PCCA: variants seen among roughly 807,000 people sequenced by gnomAD.
PCCA encodes the protein propionyl-CoA carboxylase alpha chain, mitochondrial.
In PCCA, 74 loss-of-function variants were observed where a neutral mutation model predicts 101.3. The observed-to-expected ratio is 0.73, with a 90% CI of 0.61 to 0.89. The LOEUF (loss-of-function observed/expected upper bound fraction) is 0.89. Ranked by LOEUF, PCCA falls within the 40% of genes least tolerant of loss-of-function variation. PCCA has a pLI of 0.00. For missense variants in PCCA, 891 were observed against 907.0 expected (o/e 0.98, Z 0.23); for synonymous variants, 294 against 313.6 (o/e 0.94, Z 0.66).
At chr13:100,122,452 C>G (rs1350520920) in intron 4 of PCCA, among the ~76,000 whole-genome samples, 1 of 152,124 alleles carries the variant, frequency 6.6e-6, no homozygotes, top group Non-Finnish European at 1.5e-5. Context: ...GTGAAGCCAT[C>G]TGAATCTGGG....
intron 2 of PCCA, among the ~76,000 whole-genome samples, chr13:100,107,709 G>A (rs1417179904): frequency 6.6e-6 from 1 of 152,140 alleles, no homozygotes; most frequent in African/African-American, 2.4e-5. Flanking sequence ...TCAAGCCTTA[G>A]TTTTCTTATT....
At chr13:100,288,276 G>A (rs1168810462) in intron 12 of PCCA, among the ~76,000 whole-genome samples, 1 of 151,966 alleles carries the variant, frequency 6.6e-6, no homozygotes, top group Non-Finnish European at 1.5e-5. Flanking sequence ...AGCCGTTATC[G>A]ATGCATTGTG....
At chr13:100,491,747 G>T in intron 21 of PCCA, 4 of 1,283,070 alleles carry the variant, frequency 3.1e-6, no homozygotes, top group Middle Eastern at 2.2e-4. Context: ...GAAAGCTCTC[G>T]GTTTGTACAA....
intron 8 of PCCA, among the ~76,000 whole-genome samples, chr13:100,243,081 A>T (rs1471217148): frequency 6.6e-6 from 1 of 152,154 alleles, no homozygotes; most frequent in African/African-American, 2.4e-5. Flanking sequence ...TTTTTAATAG[A>T]TACAAGGTTT....
At chr13:100,406,646 G>A (rs1406845582) in intron 19 of PCCA, among the ~76,000 whole-genome samples, 1 of 152,252 alleles carries the variant, frequency 6.6e-6, no homozygotes, top group East Asian at 1.9e-4. Context: ...GGAGGTTGCA[G>A]TGAGCTGAGA....
intron 19 of PCCA, among the ~76,000 whole-genome samples, chr13:100,369,820 T>G (rs573157618): frequency 6.6e-6 from 1 of 152,300 alleles, no homozygotes; most frequent in South Asian, 2.1e-4. Context: ...TAAGTGCACA[T>G]TTAACCAGAG....
rs536532829 is a variant in PCCA, at chr13:100,163,497, A to G, written c.468+6157A>G. ...CTTGTAGCCAGGATGTAGTTGTGTC[A>G]TGCTTTTGAAATAATTCTGATGGTC... On this transcript the variant is annotated intron_variant, in intron 6 of 23. Transcript: ENST00000376285. Among the ~76,000 whole-genome samples, 14 of 152,300 alleles carry G rather than the reference A, an allele frequency of 9.2e-5. No homozygotes were observed. In the South Asian group the frequency reaches 2.9e-3, roughly 32 times the overall value.
At chr13:100,214,415 T>TTGTG (rs530930081) in intron 7 of PCCA, among the ~76,000 whole-genome samples, 2 of 150,980 alleles carry the variant, frequency 1.3e-5, no homozygotes, top group African/African-American at 2.4e-5. Context: ...AGTTGTTTTT[T>TTGTG]TGTGTGTGTG....
At chr13:100,136,122 A>T (rs1222226209) in intron 4 of PCCA, among the ~76,000 whole-genome samples, 2 of 150,340 alleles carry the variant, frequency 1.3e-5, no homozygotes, top group African/African-American at 4.9e-5. Flanking sequence ...TATTAGCATA[A>T]TGTTGTCCTT....
rs2062172990 is a variant in PCCA at position 100,257,750 on chromosome 13, T to C, written c.716+77T>C. On this transcript the variant is annotated intron_variant, in intron 9 of 23. Transcript: ENST00000376285. ...TTTATTAAACTGACAGGTAAACAGA[T>C]ACCAAAAGCATAATGGAGTAATTAC... The C allele has an allele frequency of 4.2e-6, 4 of 957,840 alleles. No individual in the cohort carries two copies. In the Admixed American group the frequency reaches 7.6e-5, roughly 18 times the overall value. The allele number at this position is 957,840 out of a possible 1,614,324, so 59.3% of individuals were successfully genotyped here.
At chr13:100,237,791 A>T (rs1294726177) in intron 8 of PCCA, among the ~76,000 whole-genome samples, 1 of 152,126 alleles carries the variant, frequency 6.6e-6, no homozygotes, top group East Asian at 1.9e-4. Flanking sequence ...AAATAAAGGG[A>T]TTAGAAGAAA....
At chr13:100,091,536 C>G (rs1389962825) in intron 1 of PCCA, among the ~76,000 whole-genome samples, 3 of 152,212 alleles carry the variant, frequency 2.0e-5, no homozygotes, top group Non-Finnish European at 2.9e-5. Flanking sequence ...CTTAGCTTCT[C>G]TCTGCGCTTC....
At chr13:100,228,423 G>A (rs2060275627) in intron 7 of PCCA, among the ~76,000 whole-genome samples, 1 of 151,980 alleles carries the variant, frequency 6.6e-6, no homozygotes, top group Admixed American at 6.6e-5. Flanking sequence ...AGAGTTTATT[G>A]TTCTAAGCCC....
At chr13:100,489,557 G>A (rs2084725651) in intron 21 of PCCA, among the ~76,000 whole-genome samples, 1 of 152,210 alleles carries the variant, frequency 6.6e-6, no homozygotes, top group Non-Finnish European at 1.5e-5. Context: ...CAATTGAACA[G>A]CTAATATAGG....
At chr13:100,478,839 A>C (rs2083644857) in intron 21 of PCCA, among the ~76,000 whole-genome samples, 1 of 152,182 alleles carries the variant, frequency 6.6e-6, no homozygotes, top group South Asian at 2.1e-4. Context: ...AAAGGAAAGA[A>C]TGGGGCTCCT....
At chr13:100,168,784 C>T (rs1022310255) in intron 6 of PCCA, among the ~76,000 whole-genome samples, 4 of 152,166 alleles carry the variant, frequency 2.6e-5, no homozygotes, top group African/African-American at 9.7e-5. Context: ...TCATTCTCTT[C>T]CTTACCAATG....
chr13:100,363,951 C>G (rs979402393), intron 18 of PCCA, among the ~76,000 whole-genome samples: 4 of 152,142 alleles, frequency 2.6e-5, no homozygotes, highest in Non-Finnish European at 2.9e-5. Context: ...TCTTCACCAT[C>G]AAATATAAAA....
intron 16 of PCCA, among the ~76,000 whole-genome samples, chr13:100,310,564 A>C (rs1300065340): frequency 2.6e-5 from 4 of 152,186 alleles, no homozygotes; most frequent in Non-Finnish European, 5.9e-5. Flanking sequence ...AGTTTGTCAA[A>C]ATATTAGATT....
intron 21 of PCCA, among the ~76,000 whole-genome samples, chr13:100,479,104 T>G (rs2152966104): frequency 6.6e-6 from 1 of 152,288 alleles, no homozygotes; most frequent in African/African-American, 2.4e-5. Flanking sequence ...ATTAAAGAAA[T>G]AGCTGGGCCC....
Sources: allele counts gnomAD v4.1 joint callset (sites outside exome capture counted in the v4.1 genomes callset), GRCh38; gene constraint gnomAD v4.1.1; transcripts MANE v1.5; gene names NCBI Gene and HGNC (gene_info 2026-07-23, HGNC 2026-07-21).